MACROD2: variants seen among roughly 807,000 people sequenced by gnomAD.
MACROD2 encodes the protein ADP-ribose glycohydrolase MACROD2.
A neutral mutation model predicts 70.4 loss-of-function variants in MACROD2; 36 were observed. That is an observed-to-expected ratio of 0.51 (90% CI 0.39 to 0.68). The LOEUF (loss-of-function observed/expected upper bound fraction) is 0.68. Ranked by LOEUF, MACROD2 falls within the 30% of genes least tolerant of loss-of-function variation. The pLI is 0.00. For synonymous variants in MACROD2, 172 were observed against 178.8 expected (o/e 0.96, Z 0.30); for missense variants, 496 against 538.4 (o/e 0.92, Z 0.78).
At chr20:15,300,106 C>G (rs1465505444) in intron 6 of MACROD2, among the ~76,000 whole-genome samples, 1 of 152,120 alleles carries the variant, frequency 6.6e-6, no homozygotes, top group Non-Finnish European at 1.5e-5. Context: ...TACGTAGGTA[C>G]AGCCAGAGTA....
At chr20:15,743,879 A>G (rs562686940) in intron 8 of MACROD2, among the ~76,000 whole-genome samples, 85 of 152,156 alleles carry the variant, frequency 5.6e-4, no homozygotes, top group Non-Finnish European at 9.7e-4. Context: ...CAACTTATAC[A>G]AAAAAATAGG....
At chr20:15,364,201 T>C (rs1001346850) in intron 6 of MACROD2, among the ~76,000 whole-genome samples, 2 of 152,198 alleles carry the variant, frequency 1.3e-5, no homozygotes, top group Non-Finnish European at 2.9e-5. Context: ...TCTTATTCTT[T>C]AAAGATTTTC....
intron 4 of MACROD2, among the ~76,000 whole-genome samples, chr20:14,557,429 A>G (rs895866007): frequency 6.6e-6 from 1 of 151,986 alleles, no homozygotes; most frequent in African/African-American, 2.4e-5. Flanking sequence ...CAAAGAAAGT[A>G]AAATACAGGT....
chr20:15,438,297 A>T (rs1394083942), intron 7 of MACROD2, among the ~76,000 whole-genome samples: 1 of 152,198 alleles, frequency 6.6e-6, no homozygotes, highest in Non-Finnish European at 1.5e-5. Flanking sequence ...ACTCCGACCA[A>T]CAGTGTGTAA....
intron 8 of MACROD2, among the ~76,000 whole-genome samples, chr20:15,622,567 C>A (rs1032116906): frequency 6.6e-6 from 1 of 152,102 alleles, no homozygotes; most frequent in African/African-American, 2.4e-5. Flanking sequence ...GACACAGGGA[C>A]GATTCACATC....
At chr20:14,303,623 T>A (rs1472745195) in intron 3 of MACROD2, among the ~76,000 whole-genome samples, 1 of 152,234 alleles carries the variant, frequency 6.6e-6, no homozygotes, top group Admixed American at 6.5e-5. Context: ...GCCCTTCAGC[T>A]GACCCGTTTC....
chr20:15,659,358 G>A (rs1231347178), intron 8 of MACROD2, among the ~76,000 whole-genome samples: 1 of 105,556 alleles, frequency 9.5e-6, no homozygotes, highest in Non-Finnish European at 1.7e-5. Flanking sequence ...TTAGGACAAA[G>A]ATCTGTACAT....
At chr20:15,155,363 C>G (rs2145867011) in intron 5 of MACROD2, among the ~76,000 whole-genome samples, 1 of 152,284 alleles carries the variant, frequency 6.6e-6, no homozygotes, top group Non-Finnish European at 1.5e-5. Flanking sequence ...TCTCACTGCT[C>G]TCTCTTGCCC....
intron 3 of MACROD2, among the ~76,000 whole-genome samples, chr20:14,091,601 G>A (rs1204873498): frequency 1.3e-5 from 2 of 151,914 alleles, no homozygotes; most frequent in Non-Finnish European, 2.9e-5. Flanking sequence ...CCTCATAAAC[G>A]TATACAATGA....
intron 10 of MACROD2, among the ~76,000 whole-genome samples, chr20:15,902,093 C>T (rs2065072559): frequency 2.6e-5 from 4 of 152,230 alleles, no homozygotes; most frequent in Admixed American, 2.6e-4. Context: ...TCTCCACTCA[C>T]ATGGAATTCA....
chr20:14,516,645 T>C (rs13039304), intron 4 of MACROD2, among the ~76,000 whole-genome samples: 23,149 of 152,194 alleles, frequency 0.15, 2,512 homozygotes, highest in Non-Finnish European at 0.22. Context: ...GGCTCTGTTC[T>C]GTTCCATTGG....
chr20:15,253,955 A>G lies in MACROD2; in HGVS notation c.540+23894A>G, dbSNP rs566249060. On this transcript the variant is annotated intron_variant, in intron 6 of 17. Transcript: ENST00000684519. ...ATTCTCCAAGGTAACCTTATCTTCA[A>G]ATTTTATAGGTCTCATGCTGTCCCC... Among the ~76,000 whole-genome samples the G allele has an allele frequency of 9.3e-4, 141 of 152,234 alleles. 2 individuals carry two copies. The highest frequency in any genetic ancestry group is 1.2e-4 in the Non-Finnish European group (8 of 68,002).
rs528361815 is a variant in MACROD2, at chr20:15,245,225, A to G, written c.540+15164A>G. On this transcript the variant is annotated intron_variant, in intron 6 of 17. Coordinates refer to ENST00000684519, the MANE Select transcript of MACROD2 (RefSeq NM_001351661.2). Reference sequence around the variant, plus strand: ...ATTCAATCTCAGCTGTCTTCTTTTCAGGTTAATGGTTGATTTCTTTCAAAT... The same window carrying G: ...ATTCAATCTCAGCTGTCTTCTTTTCGGGTTAATGGTTGATTTCTTTCAAAT... Among the ~76,000 whole-genome samples, 15 of 152,302 alleles carry G rather than the reference A, an allele frequency of 9.8e-5. No individual in the cohort carries two copies. In the East Asian group the frequency reaches 2.7e-3, roughly 27 times the overall value.
chr20:15,002,752 G>A (rs188652145), intron 5 of MACROD2, among the ~76,000 whole-genome samples: 1 of 152,312 alleles, frequency 6.6e-6, no homozygotes, highest in East Asian at 1.9e-4. Context: ...AGACAATTGG[G>A]AGTAGTGTTA....
chr20:15,091,103 A>G (rs969705550), intron 5 of MACROD2, among the ~76,000 whole-genome samples: 1 of 152,102 alleles, frequency 6.6e-6, no homozygotes, highest in Non-Finnish European at 1.5e-5. Context: ...ATAACACTGG[A>G]TCCTAGCAAT....
chr20:15,771,213 T>C (rs1328229572), intron 8 of MACROD2, among the ~76,000 whole-genome samples: 2 of 152,048 alleles, frequency 1.3e-5, no homozygotes, highest in African/African-American at 4.8e-5. Context: ...CTCCCTCTGT[T>C]ACCCAGGCTG....
chr20:15,804,504 A>G (rs890887451), intron 8 of MACROD2, among the ~76,000 whole-genome samples: 2 of 152,204 alleles, frequency 1.3e-5, no homozygotes, highest in African/African-American at 4.8e-5. Context: ...ACATTTTTCT[A>G]TGAAATGTGA....
intron 7 of MACROD2, among the ~76,000 whole-genome samples, chr20:15,451,417 T>TA (rs35308671): frequency 0.021 from 1,718 of 83,364 alleles, 154 homozygotes; most frequent in African/African-American, 0.029. Context: ...GGGTGGTAAA[T>TA]AAAAAAAAAA....
At chr20:14,845,168 C>T (rs1420183334) in intron 5 of MACROD2, among the ~76,000 whole-genome samples, 2 of 152,006 alleles carry the variant, frequency 1.3e-5, no homozygotes, top group Non-Finnish European at 2.9e-5. Context: ...TATGATTTCT[C>T]GTATGTAATT....
Sources: allele counts gnomAD v4.1 joint callset (sites outside exome capture counted in the v4.1 genomes callset), GRCh38; gene constraint gnomAD v4.1.1; transcripts MANE v1.5; gene names NCBI Gene and HGNC (gene_info 2026-07-23, HGNC 2026-07-21).